Variants in MGAT4C observed in about 807,000 individuals in gnomAD.
MGAT4C encodes MGAT4 family member C.
In MGAT4C, 19 loss-of-function variants were observed where a neutral mutation model predicts 40.1. That is an observed-to-expected ratio of 0.47 (90% CI 0.33 to 0.70). The LOEUF is 0.70. MGAT4C is among the 30% of genes least tolerant of loss of function. The pLI is 0.02. For missense variants in MGAT4C, 491 were observed against 563.2 expected (o/e 0.87, Z 1.30); for synonymous variants, 181 against 187.1 (o/e 0.97, Z 0.27).
Position 86,170,910 on chromosome 12 carries a change from A to G in MGAT4C, c.-57+85329T>C, listed in dbSNP as rs1886761116. Among the ~76,000 whole-genome samples, 6 of 152,242 alleles carry G rather than the reference A, an allele frequency of 3.9e-5. 1 individual carries two copies. In the South Asian group the frequency reaches 1.2e-3, roughly 32 times the overall value. Reference sequence around the variant, plus strand: ...GCGACAGAGTGAGAAAGAAAGAAAGAAAAGAAAGAGAAGAAAGAAAAAGGA... The same window carrying G: ...GCGACAGAGTGAGAAAGAAAGAAAGGAAAGAAAGAGAAGAAAGAAAAAGGA... On this transcript the variant is annotated intron_variant, in intron 1 of 4. Coordinates refer to ENST00000611864, the MANE Select transcript of MGAT4C (RefSeq NM_001351288.2).
chr12:86,241,452 CTT>C, intron 1 of MGAT4C, among the ~76,000 whole-genome samples: 1 of 152,212 alleles, frequency 6.6e-6, no homozygotes. Context: ...ATTACTAACT[CTT>C]TATTATTATT....
chr12:86,773,784 A>AT (rs1370358430), intron 1 of MGAT4C, among the ~76,000 whole-genome samples: 1 of 151,752 alleles, frequency 6.6e-6, no homozygotes, highest in Non-Finnish European at 1.5e-5. Flanking sequence ...CATGGAAAGG[A>AT]TTTTTTAAAC....
At chr12:86,634,830 T>C (rs1963168807) in intron 2 of MGAT4C, among the ~76,000 whole-genome samples, 1 of 152,150 alleles carries the variant, frequency 6.6e-6, no homozygotes, top group African/African-American at 2.4e-5. Flanking sequence ...TCCATATTCT[T>C]TACCATATTC....
chr12:86,165,830 C>T lies in MGAT4C; in HGVS notation c.-57+90409G>A, dbSNP rs377483557. ...CATATTTATTATTTAATTAATAAAA[C>T]GGGTAGCTTCATTTGTTTTTCTAAG... On this transcript the variant is annotated intron_variant, in intron 1 of 4. Coordinates refer to ENST00000611864, the MANE Select transcript of MGAT4C (RefSeq NM_001351288.2). Among the ~76,000 whole-genome samples the T allele has an allele frequency of 3.9e-4, 60 of 152,046 alleles. No individual in the cohort carries two copies. In the East Asian group the frequency reaches 5.2e-3, roughly 13 times the overall value.
intron 3 of MGAT4C, among the ~76,000 whole-genome samples, chr12:86,379,729 T>G (rs1300796515): frequency 6.6e-6 from 1 of 152,152 alleles, no homozygotes; most frequent in Non-Finnish European, 1.5e-5. Flanking sequence ...AATTATACTT[T>G]CAGTCATAAT....
rs901956994 is a variant in MGAT4C, at chr12:86,074,319, G to C, written c.-56-24596C>G. Among the ~76,000 whole-genome samples, 72 of 147,372 alleles carry C rather than the reference G, an allele frequency of 4.9e-4. 1 individual carries two copies. Among genetic ancestry groups the C allele is most frequent in the African/African-American group, 1.3e-3 (51 of 39,850 alleles). On this transcript the variant is annotated intron_variant, in intron 1 of 4. Transcript: ENST00000611864. ...TACATGGGACCTTGTAATCATGTGAGTTAATACTTAATAAACATATAGATA... is the reference window on the plus strand; with the variant it reads ...TACATGGGACCTTGTAATCATGTGACTTAATACTTAATAAACATATAGATA...
chr12:86,805,856 C>T (rs1952342784), intron 1 of MGAT4C, among the ~76,000 whole-genome samples: 1 of 151,918 alleles, frequency 6.6e-6, no homozygotes, highest in Non-Finnish European at 1.5e-5. Context: ...ATAAGCATTC[C>T]TTTCCCTGCA....
At chr12:86,140,284 C>T (rs1044118150) in intron 1 of MGAT4C, among the ~76,000 whole-genome samples, 1 of 152,102 alleles carries the variant, frequency 6.6e-6, no homozygotes, top group African/African-American at 2.4e-5. Flanking sequence ...CTAAATATAA[C>T]ATTTATCTCA....
intron 1 of MGAT4C, among the ~76,000 whole-genome samples, chr12:86,214,087 C>T (rs1593254063): frequency 6.6e-6 from 1 of 152,302 alleles, no homozygotes; most frequent in East Asian, 1.9e-4. Flanking sequence ...TTTCTTGAGT[C>T]CAATTCTGTG....
At chr12:86,818,927 C>A (rs1952654101) in intron 1 of MGAT4C, among the ~76,000 whole-genome samples, 1 of 150,934 alleles carries the variant, frequency 6.6e-6, no homozygotes, top group Admixed American at 6.6e-5. Context: ...TGCTGACTAC[C>A]AGCATGCAAA....
chr12:86,509,073 C>T (rs898806983), intron 2 of MGAT4C, among the ~76,000 whole-genome samples: 9 of 152,010 alleles, frequency 5.9e-5, no homozygotes, highest in African/African-American at 2.2e-4. Context: ...AATTAGATCC[C>T]ATTTGTCAAT....
Position 85,980,124 on chromosome 12 carries a change from T to C in MGAT4C, c.602A>G (p.Lys201Arg). ...CAGAAAAGCATAATCTACATTTTGC[T>C]TGGAACGAAATTTGACTCTATCTTC... is the stretch of plus-strand genomic sequence containing the variant. ...DPEDRVKFRS[K>R]QNVDYAFLLN... is the part of the protein sequence containing the mutation. Residue 201 changes from lysine (K) to arginine (R), a missense_variant, in exon 5 of 5, where the codon AAG becomes AGG. Lys to Arg is a conservative substitution (Grantham distance 26). Transcript: ENST00000611864. 1 of 1,613,992 alleles carries C rather than the reference T, an allele frequency of 6.2e-7. No individual in the cohort carries two copies. The highest frequency in any genetic ancestry group is 8.5e-7 in the Non-Finnish European group (1 of 1,179,920).
At chr12:86,315,413 TAGA>T (rs1233487311) in intron 4 of MGAT4C, among the ~76,000 whole-genome samples, 2 of 152,002 alleles carry the variant, frequency 1.3e-5, no homozygotes, top group Admixed American at 6.6e-5. Context: ...ATCAGAATCC[TAGA>T]AGAAGGCCGG....
At chr12:86,279,082 G>T (rs1437799429) in intron 4 of MGAT4C, among the ~76,000 whole-genome samples, 3 of 150,764 alleles carry the variant, frequency 2.0e-5, no homozygotes, top group African/African-American at 7.3e-5. Context: ...TGTTTATCAT[G>T]GACATTGGCC....
At chr12:86,393,941 C>T (rs1422516226) in intron 3 of MGAT4C, among the ~76,000 whole-genome samples, 2 of 152,164 alleles carry the variant, frequency 1.3e-5, no homozygotes, top group Non-Finnish European at 1.5e-5. Context: ...GGAATGTTAA[C>T]CAGTTCAGGC....
intron 2 of MGAT4C, among the ~76,000 whole-genome samples, chr12:86,480,524 AG>A (rs1231338080): frequency 4.0e-5 from 6 of 151,212 alleles, no homozygotes; most frequent in African/African-American, 1.5e-4. Context: ...ATACATATAT[AG>A]ATATGTACAC....
intron 2 of MGAT4C, among the ~76,000 whole-genome samples, chr12:86,637,142 C>T (rs1356651514): frequency 6.6e-6 from 1 of 151,868 alleles, no homozygotes; most frequent in African/African-American, 2.4e-5. Flanking sequence ...TCCAAAGTAG[C>T]ATTCATTGAT....
At chr12:86,764,136 T>C (rs982396215) in intron 1 of MGAT4C, among the ~76,000 whole-genome samples, 2 of 152,156 alleles carry the variant, frequency 1.3e-5, no homozygotes, top group African/African-American at 2.4e-5. Flanking sequence ...AGATGGCACC[T>C]GGAAAATCAG....
At chr12:85,999,735 A>G (rs7300073) in intron 2 of MGAT4C, among the ~76,000 whole-genome samples, 1 of 151,844 alleles carries the variant, frequency 6.6e-6, no homozygotes, top group African/African-American at 2.4e-5. Context: ...CACAGATGAA[A>G]CCAGAATGCA....
Sources: gnomAD v4.1 joint callset for allele counts (sites outside exome capture counted in the v4.1 genomes callset) on GRCh38, gnomAD v4.1.1 for gene constraint, MANE v1.5 for transcripts, NCBI Gene and HGNC (gene_info 2026-07-23, HGNC 2026-07-21) for gene names.